GADL1: variants seen among roughly 807,000 people sequenced by gnomAD.
GADL1 encodes the protein acidic amino acid decarboxylase GADL1.
Under a neutral mutation model 69.5 loss-of-function variants are expected in GADL1, and 71 were observed. The observed-to-expected ratio is 1.02, with a 90% CI of 0.84 to 1.25. The LOEUF (loss-of-function observed/expected upper bound fraction) is 1.25, where lower values mean the gene tolerates loss of function less well. Ranked by LOEUF, GADL1 falls within the 50% of genes most tolerant of loss-of-function variation. The probability of loss-of-function intolerance (pLI) is 0.00; values close to 1 mark genes in which losing one functional copy is unlikely to be tolerated. For synonymous variants in GADL1, 254 were observed against 214.4 expected (o/e 1.18, Z -1.62); for missense variants, 737 against 631.8 (o/e 1.17, Z -1.79).
At chr3:30,806,582 T>C (rs556989408) in intron 11 of GADL1, among the ~76,000 whole-genome samples, 3 of 152,258 alleles carry the variant, frequency 2.0e-5, no homozygotes, top group Admixed American at 6.5e-5. Context: ...CCTTAAGGCA[T>C]TTCAGATGGG....
intron 14 of GADL1, among the ~76,000 whole-genome samples, chr3:30,761,940 T>C (rs376110576): frequency 4.1e-4 from 62 of 152,214 alleles, no homozygotes; most frequent in African/African-American, 1.3e-3. Context: ...ATGTATATAA[T>C]ATCTGGGGCC....
intron 1 of GADL1, among the ~76,000 whole-genome samples, chr3:30,882,350 G>A (rs768601769): frequency 1.9e-4 from 29 of 151,366 alleles, no homozygotes; most frequent in Admixed American, 1.3e-3. Context: ...CTTCCCCCTC[G>A]CAATCCACTG....
intron 13 of GADL1, among the ~76,000 whole-genome samples, chr3:30,785,844 T>A (rs549246351): frequency 7.9e-5 from 12 of 152,228 alleles, no homozygotes; most frequent in African/African-American, 2.9e-4. Flanking sequence ...TTTCTAAACA[T>A]GTTTTAGAAA....
intron 14 of GADL1, among the ~76,000 whole-genome samples, chr3:30,763,692 G>A (rs552645379): frequency 2.0e-5 from 3 of 152,142 alleles, no homozygotes; most frequent in East Asian, 3.9e-4. Flanking sequence ...AATACCATAC[G>A]TTACATCAAA....
rs1697935037 is a variant in GADL1, at chr3:30,839,643, A to C, written c.787-530T>G. Among the ~76,000 whole-genome samples, 4 of 152,066 alleles carry C rather than the reference A, an allele frequency of 2.6e-5. No homozygotes were observed. The South Asian group carries it at 8.3e-4, about 31-fold the overall frequency. On this transcript the variant is annotated intron_variant, in intron 8 of 14. Coordinates refer to ENST00000282538, the MANE Select transcript of GADL1 (RefSeq NM_207359.3). The stretch of plus-strand genomic sequence containing the variant: ...GAATATTCTCAGGTACAAATTCAGC[A>C]TCAGAGGAGATAAGGCAACCTCACT...
rs560441459 is a variant in GADL1 at position 30,831,423 on chromosome 3, A to T, written c.1050+2430T>A. On this transcript the variant is annotated intron_variant, in intron 11 of 14. Transcript: ENST00000282538. The stretch of plus-strand genomic sequence containing the variant: ...GAAGTACTATACTCTTCTCTGTATT[A>T]GACAAGGGTGCATTTGGCTGCAACT... Among the ~76,000 whole-genome samples, 413 of 152,044 alleles carry T rather than the reference A, an allele frequency of 2.7e-3. 1 individual carries two copies. Among genetic ancestry groups the T allele is most frequent in the Middle Eastern group, 0.014 (4 of 294 alleles).
intron 12 of GADL1, chr3:30,800,002 A>C (rs1697128525): frequency 6.6e-6 from 1 of 152,280 alleles, no homozygotes; most frequent in Non-Finnish European, 1.5e-5. Flanking sequence ...AGTCTCTAGG[A>C]AGTTCTGAAT....
chr3:30,760,961 A>AG (rs1271955735), intron 14 of GADL1, among the ~76,000 whole-genome samples: 4 of 134,030 alleles, frequency 3.0e-5, no homozygotes, highest in Non-Finnish European at 6.6e-5. Context: ...GTTCTAAAAA[A>AG]TCAATGGCTA....
At chr3:30,750,127 T>C (rs1370249802) in intron 14 of GADL1, among the ~76,000 whole-genome samples, 1 of 152,212 alleles carries the variant, frequency 6.6e-6, no homozygotes, top group Admixed American at 6.5e-5. Flanking sequence ...TAGAAAATAC[T>C]GCAGATTATC....
chr3:30,855,675 C>A (rs1559362294), intron 3 of GADL1, among the ~76,000 whole-genome samples: 2 of 151,854 alleles, frequency 1.3e-5, no homozygotes, highest in Non-Finnish European at 2.9e-5. Flanking sequence ...ATAATCACAC[C>A]ATACACCCGG....
At chr3:30,733,471 A>G (rs763477629) in intron 14 of GADL1, among the ~76,000 whole-genome samples, 12 of 152,162 alleles carry the variant, frequency 7.9e-5, no homozygotes, top group Non-Finnish European at 1.8e-4. Context: ...AATCTAGTTC[A>G]TGGAAAAAAT....
At chr3:30,773,829 T>G (rs1440787618) in intron 14 of GADL1, among the ~76,000 whole-genome samples, 1 of 152,230 alleles carries the variant, frequency 6.6e-6, no homozygotes, top group Non-Finnish European at 1.5e-5. Context: ...ATATTTGATA[T>G]GTTTTATAAT....
At chr3:30,811,399 T>C (rs1323688974) in intron 11 of GADL1, among the ~76,000 whole-genome samples, 1 of 152,212 alleles carries the variant, frequency 6.6e-6, no homozygotes, top group Non-Finnish European at 1.5e-5. Context: ...GCAATACCTC[T>C]GCATGCCCTA....
chr3:30,780,895 T>A (rs1333703645), intron 13 of GADL1, among the ~76,000 whole-genome samples: 1 of 152,212 alleles, frequency 6.6e-6, no homozygotes, highest in Non-Finnish European at 1.5e-5. Flanking sequence ...TTTGAATTTT[T>A]GCAAAAATAT....
intron 14 of GADL1, among the ~76,000 whole-genome samples, chr3:30,756,238 G>A (rs551542501): frequency 3.3e-5 from 5 of 152,164 alleles, no homozygotes; most frequent in African/African-American, 9.6e-5. Context: ...CAAGAGAAAC[G>A]TAAGTTCTGA....
chr3:30,850,913 G>A lies in GADL1; in HGVS notation c.457C>T (p.Leu153=), dbSNP rs1698136839. 1 of 1,548,376 alleles carries A rather than the reference G, an allele frequency of 6.5e-7. No homozygotes were observed. The highest frequency in any genetic ancestry group is 8.7e-7 in the Non-Finnish European group (1 of 1,144,242). The stretch of plus-strand genomic sequence containing the variant: ...TTCAGAACCGCTTCTTCCACTAACA[G>A]AAACACTGGGGACACCTCATACGTA... The part of the protein sequence containing the change: ...VYTYEVSPVF[L]LVEEAVLKKM... The change falls in exon 5 of 15, where the codon CTG becomes TTG. Residue 153 remains leucine (L), a synonymous_variant. Coordinates refer to ENST00000282538, the MANE Select transcript of GADL1 (RefSeq NM_207359.3).
At position 30,842,964 on chromosome 3, in the gene GADL1, GA is replaced by G. The variant is rs11430065; in HGVS notation, c.786+1245del. 2.7e-4 allele frequency among the ~76,000 whole-genome samples: 40 copies of G among 147,030 alleles called. No individual in the cohort carries two copies. In the South Asian group the frequency reaches 4.8e-3, roughly 18 times the overall value. On this transcript the variant is annotated intron_variant, in intron 8 of 14. Transcript: ENST00000282538. ...GACTAGGTAGTTTTTATGAAAACTT[GA>G]AAAAAAAAAGTACAACAACAGAACT...
intron 11 of GADL1, among the ~76,000 whole-genome samples, chr3:30,817,839 A>T (rs1224459236): frequency 1.3e-5 from 2 of 152,246 alleles, no homozygotes; most frequent in Non-Finnish European, 2.9e-5. Flanking sequence ...TATAATAGTC[A>T]TATGTGCTAC....
intron 14 of GADL1, among the ~76,000 whole-genome samples, chr3:30,748,619 T>A (rs913274701): frequency 6.6e-6 from 1 of 152,196 alleles, no homozygotes; most frequent in Non-Finnish European, 1.5e-5. Context: ...GCTTTAGCTA[T>A]CAAAAAATTT....
Sources: allele counts gnomAD v4.1 joint callset (sites outside exome capture counted in the v4.1 genomes callset), GRCh38; gene constraint gnomAD v4.1.1; transcripts MANE v1.5; gene names NCBI Gene and HGNC (gene_info 2026-07-23, HGNC 2026-07-21).